The following WWOX variants were observed in gnomAD, a reference collection of about 807,000 sequenced individuals.
WWOX encodes the protein WW domain-containing oxidoreductase.
In WWOX, 69 loss-of-function variants were observed where a neutral mutation model predicts 46.2. The ratio of observed to expected loss-of-function variants is 1.49; its 90% confidence interval spans 1.23 to 1.82. WWOX has a LOEUF of 1.82. Ranked by LOEUF, WWOX falls within the 40% of genes most tolerant of loss-of-function variation. The pLI, the probability that WWOX is intolerant of heterozygous loss-of-function variation, is 0.00. For synonymous variants in WWOX, 359 were observed against 202.6 expected (o/e 1.77, Z -6.56); for missense variants, 919 against 542.6 (o/e 1.69, Z -6.89).
In WWOX at chr16:78,695,841, C is replaced by T. The variant is rs1051876690; in HGVS notation, c.1056+263089C>T. On this transcript the variant is annotated intron_variant, in intron 8 of 8. Coordinates refer to ENST00000566780, the MANE Select transcript of WWOX (RefSeq NM_016373.4). ...ATGTCCCATGGGTGTGCATCAGGTA[C>T]GCTGTGGAAGGACAGATGTCATTCC... 7.2e-5 allele frequency among the ~76,000 whole-genome samples: 11 copies of T among 152,254 alleles called. No individual in the cohort carries two copies. The South Asian group carries it at 8.3e-4, about 11-fold the overall frequency.
intron 8 of WWOX, among the ~76,000 whole-genome samples, chr16:78,546,407 A>C (rs2044032826): frequency 6.6e-6 from 1 of 152,154 alleles, no homozygotes; most frequent in Non-Finnish European, 1.5e-5. Context: ...GCCCACATTG[A>C]GTGTAACTAG....
intron 5 of WWOX, among the ~76,000 whole-genome samples, chr16:78,235,031 C>G (rs1295296183): frequency 6.6e-6 from 1 of 151,886 alleles, no homozygotes; most frequent in African/African-American, 2.4e-5. Flanking sequence ...AAAAGAAATC[C>G]TTTACTCTCA....
rs534195889 is a variant in WWOX, at chr16:78,152,616, C to A, written c.410-11567C>A. 2.6e-5 allele frequency among the ~76,000 whole-genome samples: 4 copies of A among 152,258 alleles called. No individual in the cohort carries two copies. In the East Asian group the frequency reaches 5.8e-4, roughly 22 times the overall value. On this transcript the variant is annotated intron_variant, in intron 4 of 8. Coordinates refer to ENST00000566780, the MANE Select transcript of WWOX (RefSeq NM_016373.4). ...CTGTCTGCATGTGCCTGTCTAGGAC[C>A]ATGTTAATTGTAATCTTTGGGCATT...
chr16:78,817,690 G>A (rs2051374705), intron 8 of WWOX, among the ~76,000 whole-genome samples: 1 of 152,072 alleles, frequency 6.6e-6, no homozygotes, highest in East Asian at 1.9e-4. Context: ...GTGGCAAACG[G>A]GCCCTGTCTT....
chr16:78,703,565 G>T (rs2048270278), intron 8 of WWOX, among the ~76,000 whole-genome samples: 1 of 152,096 alleles, frequency 6.6e-6, no homozygotes, highest in African/African-American at 2.4e-5. Flanking sequence ...GCTGTAGTGA[G>T]CCCTGGTCTC....
intron 8 of WWOX, among the ~76,000 whole-genome samples, chr16:79,025,429 A>G (rs964945705): frequency 1.3e-5 from 2 of 152,190 alleles, no homozygotes; most frequent in African/African-American, 2.4e-5. Flanking sequence ...CCTAAATCCA[A>G]TGACAGGTGT....
intron 8 of WWOX, among the ~76,000 whole-genome samples, chr16:78,510,064 AGTCTGTCTGTCTGTCTGTCTGTCT>A (rs59985442): frequency 6.7e-6 from 1 of 150,268 alleles, no homozygotes; most frequent in Admixed American, 6.6e-5. Context: ...CCTGTCTCCA[AGTCTGTCTGTCTGTCTGTCTGTCT>A]GTCTGTCTGT....
chr16:78,996,307 G>A (rs940894046), intron 8 of WWOX: 41 of 984,410 alleles, frequency 4.2e-5, no homozygotes, highest in Non-Finnish European at 4.8e-5. Context: ...CTTGCCTTGT[G>A]GATGTTTTTC....
intron 5 of WWOX, among the ~76,000 whole-genome samples, chr16:78,365,027 A>G (rs1463249477): frequency 2.0e-5 from 3 of 152,172 alleles, no homozygotes; most frequent in African/African-American, 7.2e-5. Flanking sequence ...GCTGTGGGTA[A>G]TTCTTTGGGG....
At chr16:79,047,582 C>G (rs758020260) in intron 8 of WWOX, among the ~76,000 whole-genome samples, 1 of 150,420 alleles carries the variant, frequency 6.6e-6, no homozygotes, top group Non-Finnish European at 1.5e-5. Context: ...TAACAGATTA[C>G]TACAAATTTT....
chr16:78,721,515 G>T (rs1373357405), intron 8 of WWOX, among the ~76,000 whole-genome samples: 1 of 152,180 alleles, frequency 6.6e-6, no homozygotes, highest in Non-Finnish European at 1.5e-5. Context: ...GGGGTTGTGG[G>T]CTGGGGGAAC....
At chr16:79,207,733 G>A (rs543461580) in intron 8 of WWOX, among the ~76,000 whole-genome samples, 1 of 152,040 alleles carries the variant, frequency 6.6e-6, no homozygotes, top group Non-Finnish European at 1.5e-5. Flanking sequence ...ATGTGTCCCT[G>A]TGAGTATTAT....
chr16:78,355,665 A>T (rs2081270806), intron 5 of WWOX: 2 of 714,138 alleles, frequency 2.8e-6, no homozygotes, highest in Admixed American at 1.9e-5. Flanking sequence ...CATACTTATG[A>T]TCAACATTTA....
chr16:78,528,430 T>C (rs536068464), intron 8 of WWOX, among the ~76,000 whole-genome samples: 11 of 152,126 alleles, frequency 7.2e-5, no homozygotes, highest in African/African-American at 2.2e-4. Flanking sequence ...AAGTGGCTCG[T>C]ATTCAAGGTG....
At chr16:79,180,879 C>G (rs974947294) in intron 8 of WWOX, among the ~76,000 whole-genome samples, 4 of 152,162 alleles carry the variant, frequency 2.6e-5, no homozygotes, top group African/African-American at 9.7e-5. Flanking sequence ...GTTTCTAATT[C>G]CAATACTTAA....
chr16:78,732,233 C>G (rs1330535530), intron 8 of WWOX, among the ~76,000 whole-genome samples: 1 of 152,074 alleles, frequency 6.6e-6, no homozygotes, highest in Non-Finnish European at 1.5e-5. Context: ...ACGCTGCAGA[C>G]TCTTGAAGTT....
intron 5 of WWOX, among the ~76,000 whole-genome samples, chr16:78,357,891 A>T (rs1335554417): frequency 6.6e-6 from 1 of 152,178 alleles, no homozygotes; most frequent in Non-Finnish European, 1.5e-5. Flanking sequence ...AGTTAGGCTG[A>T]CTTCTGTGCC....
chr16:78,799,566 A>AG (rs1372668724), intron 8 of WWOX, among the ~76,000 whole-genome samples: 2 of 152,126 alleles, frequency 1.3e-5, no homozygotes, highest in African/African-American at 4.8e-5. Context: ...TATGGAATTG[A>AG]GGAGGGGTGA....
At chr16:79,205,785 T>C (rs984456943) in intron 8 of WWOX, 12 of 152,166 alleles carry the variant, frequency 7.9e-5, no homozygotes, top group Admixed American at 3.3e-4. Context: ...GGAATGACTG[T>C]GTTAGGAATC....
Sources: allele counts gnomAD v4.1 joint callset (sites outside exome capture counted in the v4.1 genomes callset), GRCh38; gene constraint gnomAD v4.1.1; transcripts MANE v1.5; gene names NCBI Gene and HGNC (gene_info 2026-07-23, HGNC 2026-07-21).